Variants in PDGFRL observed in about 807,000 individuals in gnomAD.
The protein encoded by PDGFRL is platelet derived growth factor receptor like, also known as platelet-derived growth factor receptor-like protein.
A neutral mutation model predicts 37.2 loss-of-function variants in PDGFRL; 46 were observed. The ratio of observed to expected loss-of-function variants is 1.24; its 90% CI spans 0.98 to 1.58. The LOEUF is 1.58. Ranked by LOEUF, PDGFRL falls within the 40% of genes most tolerant of loss-of-function variation. The pLI, the probability that PDGFRL is intolerant of heterozygous loss-of-function variation, is 0.00. For synonymous variants in PDGFRL, 251 were observed against 184.3 expected (o/e 1.36, Z -2.93); for missense variants, 692 against 467.6 (o/e 1.48, Z -4.43).
At chr8:17,594,216 C>A (rs1047152243) in intron 2 of PDGFRL, among the ~76,000 whole-genome samples, 1 of 152,058 alleles carries the variant, frequency 6.6e-6, no homozygotes, top group Non-Finnish European at 1.5e-5. Context: ...TTGTTTAAGG[C>A]TGAGTAATAT....
At chr8:17,582,825 T>C (rs1278926271) in intron 1 of PDGFRL, among the ~76,000 whole-genome samples, 4 of 152,000 alleles carry the variant, frequency 2.6e-5, no homozygotes, top group African/African-American at 9.7e-5. Context: ...ATTTTGGAAA[T>C]CTTTGAGGAG....
At chr8:17,609,165 G>A (rs536856602) in intron 2 of PDGFRL, among the ~76,000 whole-genome samples, 95 of 152,244 alleles carry the variant, frequency 6.2e-4, no homozygotes, top group African/African-American at 2.1e-3. Context: ...TCACACTGCT[G>A]CACTCCAGCC....
intron 2 of PDGFRL, among the ~76,000 whole-genome samples, chr8:17,605,418 T>C (rs1478317310): frequency 6.6e-6 from 1 of 152,210 alleles, no homozygotes; most frequent in Non-Finnish European, 1.5e-5. Context: ...TGTGTAAGAA[T>C]ATTCTGGATT....
chr8:17,633,483 G>A (rs1280119837), intron 4 of PDGFRL, among the ~76,000 whole-genome samples: 1 of 152,248 alleles, frequency 6.6e-6, no homozygotes, highest in South Asian at 2.1e-4. Flanking sequence ...AGCCGAGATC[G>A]CGCAGCTGCA....
chr8:17,587,228 A>G lies in PDGFRL; in HGVS notation c.56-2240A>G, dbSNP rs541845843. ...ATCAGCTGGTGGGGCTATTTGGTCA[A>G]AAGGTCAAATTATTTTGCATAGATA... On this transcript the variant is annotated intron_variant, in intron 1 of 5. Coordinates refer to ENST00000251630, the MANE Select transcript of PDGFRL (RefSeq NM_001372073.1). Among the ~76,000 whole-genome samples, 8 of 152,288 alleles carry G rather than the reference A, an allele frequency of 5.3e-5. No individual in the cohort carries two copies. The South Asian group carries it at 1.7e-3, about 32-fold the overall frequency.
At position 17,628,604 on chromosome 8, in the gene PDGFRL, A is replaced by G. The variant is rs149967132; in HGVS notation, c.623A>G (p.His208Arg). The change falls in exon 4 of 6, where the codon CAC becomes CGC. Residue 208 changes from histidine (H) to arginine (R), a missense_variant. His to Arg is a conservative substitution (Grantham distance 29). Coordinates refer to ENST00000251630, the MANE Select transcript of PDGFRL (RefSeq NM_001372073.1). ...VTVLSAKVTLHREFPAKEIPA... is the reference protein window; with the variant it reads ...VTVLSAKVTLRREFPAKEIPA... Reference sequence around the variant, plus strand: ...GTGCTGTCGGCCAAAGTCACGCTCCACAGGGAATTCCCAGCCAAGGAGATC... The same window carrying G: ...GTGCTGTCGGCCAAAGTCACGCTCCGCAGGGAATTCCCAGCCAAGGAGATC... The G allele has an allele frequency of 1.2e-4, 189 of 1,614,184 alleles. 2 individuals carry two copies. In the African/African-American group the frequency reaches 2.1e-3, roughly 18 times the overall value.
chr8:17,601,947 G>T (rs898001452), intron 2 of PDGFRL, among the ~76,000 whole-genome samples: 1 of 152,152 alleles, frequency 6.6e-6, no homozygotes, highest in East Asian at 1.9e-4. Flanking sequence ...TTGTGCCTTT[G>T]TGGTAGAACT....
intron 4 of PDGFRL, 68 bp downstream of exon 4, chr8:17,628,848 T>C (rs1256840396): frequency 2.9e-6 from 3 of 1,022,122 alleles, no homozygotes; most frequent in Non-Finnish European, 4.5e-6. Context: ...TGCTGTTCCC[T>C]GCCTGCAGAT....
At chr8:17,638,449 G>GT (rs1805017586) in intron 5 of PDGFRL, among the ~76,000 whole-genome samples, 1 of 151,902 alleles carries the variant, frequency 6.6e-6, no homozygotes, top group Admixed American at 6.6e-5. Context: ...ATTGAAACTT[G>GT]TTTTGTGGCT....
chr8:17,595,609 C>G (rs1451121397), intron 2 of PDGFRL, among the ~76,000 whole-genome samples: 82 of 152,288 alleles, frequency 5.4e-4, no homozygotes, highest in Non-Finnish European at 8.8e-5. Flanking sequence ...TGGCTGAGCC[C>G]AGGGCTTGAC....
chr8:17,628,900 T>C (rs1465222155), intron 4 of PDGFRL, 120 bp downstream of exon 4: 1 of 672,224 alleles, frequency 1.5e-6, no homozygotes, highest in Non-Finnish European at 2.6e-6. Flanking sequence ...TTCATTGTTG[T>C]TGGGTTGTTG....
intron 3 of PDGFRL, among the ~76,000 whole-genome samples, chr8:17,628,175 T>TA (rs11420667): frequency 6.0e-5 from 9 of 151,046 alleles, no homozygotes; most frequent in African/African-American, 2.0e-4. Flanking sequence ...TTGTTTTTTT[T>TA]AGTACAGATG....
At chr8:17,616,752 T>C (rs1409148979) in intron 2 of PDGFRL, among the ~76,000 whole-genome samples, 1 of 152,154 alleles carries the variant, frequency 6.6e-6, no homozygotes, top group Non-Finnish European at 1.5e-5. Context: ...GGGACTTCTC[T>C]AGACATCATT....
At chr8:17,608,730 T>C (rs1461103495) in intron 2 of PDGFRL, among the ~76,000 whole-genome samples, 1 of 152,158 alleles carries the variant, frequency 6.6e-6, no homozygotes, top group African/African-American at 2.4e-5. Context: ...ACTAGTGAGA[T>C]AAAAGACAAA....
At chr8:17,624,323 G>C (rs1242484711) in intron 3 of PDGFRL, among the ~76,000 whole-genome samples, 4 of 152,318 alleles carry the variant, frequency 2.6e-5, no homozygotes, top group South Asian at 4.1e-4. Flanking sequence ...ACTGACTGTT[G>C]TTAGTGTGCA....
intron 2 of PDGFRL, among the ~76,000 whole-genome samples, chr8:17,590,452 C>G (rs1048516051): frequency 2.6e-5 from 4 of 151,960 alleles, no homozygotes; most frequent in Non-Finnish European, 5.9e-5. Flanking sequence ...TGGCTCATGC[C>G]TGTAATCCCA....
intron 2 of PDGFRL, among the ~76,000 whole-genome samples, chr8:17,617,655 C>T (rs141710295): frequency 4.6e-5 from 7 of 152,260 alleles, no homozygotes; most frequent in East Asian, 1.9e-4. Flanking sequence ...ATATTGTTTG[C>T]GTAGAAGAGG....
At chr8:17,630,300 A>C (rs947493422) in intron 4 of PDGFRL, among the ~76,000 whole-genome samples, 1 of 152,186 alleles carries the variant, frequency 6.6e-6, no homozygotes, top group East Asian at 1.9e-4. Flanking sequence ...AATTGGAACT[A>C]CTTCTTTCAA....
At chr8:17,590,452 C>T (rs1048516051) in intron 2 of PDGFRL, among the ~76,000 whole-genome samples, 1 of 151,960 alleles carries the variant, frequency 6.6e-6, no homozygotes, top group African/African-American at 2.4e-5. Context: ...TGGCTCATGC[C>T]TGTAATCCCA....
Sources: gnomAD v4.1 joint callset for allele counts (sites outside exome capture counted in the v4.1 genomes callset) on GRCh38, gnomAD v4.1.1 for gene constraint, MANE v1.5 for transcripts, NCBI Gene and HGNC (gene_info 2026-07-23, HGNC 2026-07-21) for gene names.